The following DLGAP4 variants were observed in gnomAD, a reference collection of about 807,000 sequenced individuals.
DLGAP4 encodes the protein disks large-associated protein 4.
A neutral mutation model predicts 86.9 loss-of-function variants in DLGAP4; 18 were observed. The ratio of observed to expected loss-of-function variants is 0.21; its 90% CI spans 0.14 to 0.31. The LOEUF (loss-of-function observed/expected upper bound fraction) is 0.31, where lower values mean the gene tolerates loss of function less well. Among genes scored for constraint, DLGAP4 ranks in the 10% least tolerant of loss-of-function variants. The pLI is 1.00. For synonymous variants in DLGAP4, 548 were observed against 574.3 expected, an observed-to-expected ratio of 0.95 and a Z score of 0.65; for missense variants, 1,085 against 1,362.6, an observed-to-expected ratio of 0.80 and a Z score of 3.21.
In DLGAP4 at chr20:36,461,917, A is replaced by G. The variant is rs570878270; in HGVS notation, c.1648+14980A>G. 2.4e-5 allele frequency: 24 copies of G among 983,902 alleles called. No individual in the cohort carries two copies. The East Asian group carries it at 2.4e-3, about 99-fold the overall frequency. The allele number at this position is 983,902 out of a possible 1,614,324, so 60.9% of individuals were successfully genotyped here. ...GCTCCCCATCTCGGGTCCCCTTCTCAGAGCGCTCTTCAGCCCTCAGAGCCG... is the reference window on the plus strand; with the variant it reads ...GCTCCCCATCTCGGGTCCCCTTCTCGGAGCGCTCTTCAGCCCTCAGAGCCG... On this transcript the variant is annotated intron_variant, in intron 7 of 12. Coordinates refer to ENST00000339266, the MANE Select transcript of DLGAP4 (RefSeq NM_001365621.2).
At chr20:36,467,084 C>T (rs1600583689) in intron 7 of DLGAP4, among the ~76,000 whole-genome samples, 1 of 147,356 alleles carries the variant, frequency 6.8e-6, no homozygotes, top group East Asian at 2.0e-4. Context: ...TCTCTCGGCC[C>T]TGCCTTCCTA....
chr20:36,439,722 C>T, intron 4 of DLGAP4, 32 bp from the exon 5 acceptor site: 1 of 1,586,916 alleles, frequency 6.3e-7, no homozygotes, highest in Non-Finnish European at 8.6e-7. Context: ...AATGGGTGGG[C>T]TGAGCCCTGT....
At position 36,525,780 on chromosome 20, in the gene DLGAP4, TGTTGGGGG is replaced by T. The variant is rs1451864928; in HGVS notation, c.2605-61_2605-54del. On this transcript the variant is annotated intron_variant, in intron 11 of 12. Transcript: ENST00000339266. Reference sequence around the variant, plus strand: ...TGGCAGGGCCCAGAGGAACCCTGCTTGTTGGGGGGTTGGGGGGAGCAGGACAAGCCTCT... The same window carrying T: ...TGGCAGGGCCCAGAGGAACCCTGCTTGTTGGGGGGAGCAGGACAAGCCTCT... The T allele has an allele frequency of 6.3e-6, 10 of 1,591,118 alleles. No individual in the cohort carries two copies. In the East Asian group the frequency reaches 9.0e-5, roughly 14 times the overall value.
At position 36,331,342 on chromosome 20, in the gene DLGAP4, G is replaced by A. The variant is rs534908145; in HGVS notation, c.-304+24830G>A. Among the ~76,000 whole-genome samples, 11 of 152,350 alleles carry A rather than the reference G, an allele frequency of 7.2e-5. No individual in the cohort carries two copies. In the South Asian group the frequency reaches 2.1e-3, roughly 29 times the overall value. On this transcript the variant is annotated intron_variant, in intron 1 of 12. Transcript: ENST00000339266. ...CCCAGCCACCGGGAGGCCCATCTCC[G>A]GCATCCCCAGCTGCCCCTCCTCCAG... is the stretch of plus-strand genomic sequence containing the variant.
intron 1 of DLGAP4, among the ~76,000 whole-genome samples, chr20:36,318,106 TCACA>T (rs1156543199): frequency 0.09 from 12,539 of 138,954 alleles, 647 homozygotes; most frequent in African/African-American, 0.13. Context: ...ATGTGTCCTC[TCACA>T]CACACACACA....
chr20:36,447,865 G>A (rs958843817), intron 7 of DLGAP4, among the ~76,000 whole-genome samples: 2 of 135,592 alleles, frequency 1.5e-5, no homozygotes, highest in African/African-American at 5.4e-5. Flanking sequence ...AGGACACAGG[G>A]AGGGGAACAT....
chr20:36,337,869 C>G (rs138187373), intron 1 of DLGAP4, among the ~76,000 whole-genome samples: 2 of 152,202 alleles, frequency 1.3e-5, no homozygotes, highest in African/African-American at 2.4e-5. Flanking sequence ...TGCTGGGCAC[C>G]CACAGGCCCT....
chr20:36,382,527 C>CTTTTTTTTTTTTTTTTT (rs749210064), intron 2 of DLGAP4, among the ~76,000 whole-genome samples: 31 of 110,468 alleles, frequency 2.8e-4, no homozygotes, highest in African/African-American at 4.0e-4. Context: ...TTCTTTTTTT[C>CTTTTTTTTTTTTTTTTT]TTTTTTTTTT....
At chr20:36,503,842 G>A (rs978412066) in intron 10 of DLGAP4, among the ~76,000 whole-genome samples, 3 of 152,042 alleles carry the variant, frequency 2.0e-5, no homozygotes, top group African/African-American at 7.2e-5. Context: ...TGTTTTTGAG[G>A]TTCATCCATG....
At chr20:36,368,934 A>G (rs1600442537) in intron 2 of DLGAP4, among the ~76,000 whole-genome samples, 2 of 152,268 alleles carry the variant, frequency 1.3e-5, no homozygotes, top group East Asian at 3.9e-4. Context: ...TTTCCTGAAA[A>G]TTACTGCCAT....
intron 2 of DLGAP4, among the ~76,000 whole-genome samples, chr20:36,379,525 G>A (rs965703581): frequency 2.0e-5 from 3 of 152,228 alleles, no homozygotes; most frequent in African/African-American, 7.2e-5. Flanking sequence ...ATCTGGACCT[G>A]TGTGTAGCTG....
At chr20:36,419,761 G>A (rs2032769383) in intron 2 of DLGAP4, among the ~76,000 whole-genome samples, 2 of 152,222 alleles carry the variant, frequency 1.3e-5, no homozygotes, top group Non-Finnish European at 2.9e-5. Flanking sequence ...CAACATGGCG[G>A]CTAACTTCTC....
intron 1 of DLGAP4, among the ~76,000 whole-genome samples, chr20:36,314,753 G>T (rs1422250985): frequency 2.2e-5 from 3 of 139,106 alleles, no homozygotes; most frequent in Non-Finnish European, 4.7e-5. Context: ...TGGGTGTGTG[G>T]TGTGATGTGT....
intron 7 of DLGAP4, among the ~76,000 whole-genome samples, chr20:36,469,425 C>T (rs1005144053): frequency 6.6e-6 from 1 of 152,124 alleles, no homozygotes; most frequent in African/African-American, 2.4e-5. Flanking sequence ...ATAAAGCAAG[C>T]CAAGGCATAA....
intron 7 of DLGAP4, among the ~76,000 whole-genome samples, chr20:36,456,527 G>T (rs1466427110): frequency 6.6e-6 from 1 of 152,202 alleles, no homozygotes; most frequent in African/African-American, 2.4e-5. Context: ...GACCCAGGAG[G>T]CCTTCCCAGA....
intron 10 of DLGAP4, among the ~76,000 whole-genome samples, chr20:36,519,957 GT>G (rs58243787): frequency 4.2e-4 from 58 of 138,332 alleles, no homozygotes; most frequent in South Asian, 1.3e-3. Context: ...TGCCCAGTTT[GT>G]TTTTTTTTTT....
intron 2 of DLGAP4, among the ~76,000 whole-genome samples, chr20:36,392,762 A>G (rs2031824693): frequency 6.6e-6 from 1 of 152,230 alleles, no homozygotes; most frequent in Non-Finnish European, 1.5e-5. Flanking sequence ...AGGCTATTGT[A>G]ACAGACGGGA....
chr20:36,443,087 C>A (rs2033494147), intron 6 of DLGAP4, among the ~76,000 whole-genome samples: 1 of 152,226 alleles, frequency 6.6e-6, no homozygotes, highest in Non-Finnish European at 1.5e-5. Flanking sequence ...CCCAGAAAGC[C>A]TGGGTCAGGC....
At chr20:36,323,603 G>A (rs185523238) in intron 1 of DLGAP4, among the ~76,000 whole-genome samples, 23 of 152,270 alleles carry the variant, frequency 1.5e-4, no homozygotes, top group Middle Eastern at 3.4e-3. Flanking sequence ...GGTTATTTCT[G>A]TTGGTTATAT....
Sources: gnomAD v4.1 joint callset for allele counts (sites outside exome capture counted in the v4.1 genomes callset) on GRCh38, gnomAD v4.1.1 for gene constraint, MANE v1.5 for transcripts, NCBI Gene and HGNC (gene_info 2026-07-23, HGNC 2026-07-21) for gene names.